Variants in HCN1 observed in about 807,000 individuals in gnomAD.
HCN1 encodes potassium/sodium hyperpolarization-activated cyclic nucleotide-gated channel 1.
HCN1 carries 13 observed loss-of-function variants against 78.9 expected under a neutral mutation model. That is an observed-to-expected ratio of 0.16 (90% CI 0.11 to 0.26). The LOEUF is 0.26. Ranked by LOEUF, HCN1 falls within the 10% of genes least tolerant of loss-of-function variation. The probability of loss-of-function intolerance (pLI) is 1.00; values close to 1 mark genes in which losing one functional copy is unlikely to be tolerated. For synonymous variants in HCN1, 552 were observed against 455.5 expected, an observed-to-expected ratio of 1.21 and a Z score of -2.70; for missense variants, 810 against 1,154.3, an observed-to-expected ratio of 0.70 and a Z score of 4.32.
At chr5:45,346,546 T>G (rs1746715948) in intron 5 of HCN1, among the ~76,000 whole-genome samples, 1 of 152,076 alleles carries the variant, frequency 6.6e-6, no homozygotes, top group Non-Finnish European at 1.5e-5. Context: ...ATGAGCGAGC[T>G]GAAGCAGGGC....
intron 3 of HCN1, among the ~76,000 whole-genome samples, chr5:45,433,048 A>AC (rs1740495211): frequency 6.6e-6 from 1 of 151,614 alleles, no homozygotes; most frequent in African/African-American, 2.4e-5. Flanking sequence ...ACATGGAAAG[A>AC]CCCCCATGAC....
At chr5:45,666,497 T>G (rs1380497827) in intron 1 of HCN1, among the ~76,000 whole-genome samples, 1 of 152,036 alleles carries the variant, frequency 6.6e-6, no homozygotes, top group Non-Finnish European at 1.5e-5. Flanking sequence ...TAAACCCAAA[T>G]GAGCATTCAT....
At chr5:45,581,492 T>A (rs1001208819) in intron 2 of HCN1, among the ~76,000 whole-genome samples, 2 of 152,226 alleles carry the variant, frequency 1.3e-5, no homozygotes, top group African/African-American at 4.8e-5. Context: ...CTGATGGCAG[T>A]TTCTTTTGCT....
chr5:45,267,773 G>GACA (rs773674416), intron 6 of HCN1, among the ~76,000 whole-genome samples: 31 of 151,664 alleles, frequency 2.0e-4, no homozygotes, highest in African/African-American at 5.6e-4. Flanking sequence ...TCTCAAAAAA[G>GACA]ACAACAACAA....
chr5:45,372,933 A>T (rs560001103), intron 4 of HCN1, among the ~76,000 whole-genome samples: 1 of 142,384 alleles, frequency 7.0e-6, no homozygotes, highest in Non-Finnish European at 1.5e-5. Flanking sequence ...CGTATTTTAT[A>T]CATAAAAATA....
At chr5:45,461,807 G>T (rs753057638) in intron 3 of HCN1, 39 bp downstream of exon 3, 3 of 1,561,876 alleles carry the variant, frequency 1.9e-6, no homozygotes, top group South Asian at 1.1e-5. Flanking sequence ...TTGGCACAAC[G>T]TTGAAAAGTC....
chr5:45,293,129 G>A (rs1745413825), intron 6 of HCN1, among the ~76,000 whole-genome samples: 1 of 151,854 alleles, frequency 6.6e-6, no homozygotes, highest in South Asian at 2.1e-4. Context: ...GGGATTGCTG[G>A]GTTAAACGGT....
At chr5:45,419,532 G>T (rs1740185764) in intron 3 of HCN1, among the ~76,000 whole-genome samples, 1 of 152,138 alleles carries the variant, frequency 6.6e-6, no homozygotes, top group Non-Finnish European at 1.5e-5. Context: ...CATTGTACTG[G>T]AAATCTCTTT....
At chr5:45,616,598 T>C (rs1020017066) in intron 2 of HCN1, among the ~76,000 whole-genome samples, 4 of 152,018 alleles carry the variant, frequency 2.6e-5, no homozygotes, top group African/African-American at 4.8e-5. Context: ...ATGTTGGAAG[T>C]TGGCCACAAA....
chr5:45,500,687 G>A (rs74801360), intron 2 of HCN1, among the ~76,000 whole-genome samples: 2,423 of 152,078 alleles, frequency 0.016, 63 homozygotes, highest in African/African-American at 0.056. Context: ...CCGTCAGCAT[G>A]GTGATATAGG....
chr5:45,634,287 C>G (rs1008686628), intron 2 of HCN1, among the ~76,000 whole-genome samples: 9 of 151,904 alleles, frequency 5.9e-5, no homozygotes, highest in African/African-American at 2.2e-4. Flanking sequence ...CAACAGCCTG[C>G]TAACATGTTA....
intron 4 of HCN1, among the ~76,000 whole-genome samples, chr5:45,353,533 A>T (rs1420795858): frequency 6.6e-6 from 1 of 152,030 alleles, no homozygotes; most frequent in Non-Finnish European, 1.5e-5. Flanking sequence ...GCTACAGAAA[A>T]GCCAGTGATG....
At chr5:45,476,375 C>A (rs549810835) in intron 2 of HCN1, among the ~76,000 whole-genome samples, 27 of 152,208 alleles carry the variant, frequency 1.8e-4, no homozygotes, top group African/African-American at 6.3e-4. Context: ...GTCCATGATA[C>A]AGCCTCCAGA....
intron 2 of HCN1, among the ~76,000 whole-genome samples, chr5:45,624,355 A>G (rs916060799): frequency 6.6e-6 from 1 of 152,132 alleles, no homozygotes; most frequent in African/African-American, 2.4e-5. Flanking sequence ...AAGTGGTCAG[A>G]CTCCAGATTT....
At chr5:45,302,763 A>C (rs1745653945) in intron 6 of HCN1, among the ~76,000 whole-genome samples, 1 of 151,992 alleles carries the variant, frequency 6.6e-6, no homozygotes, top group South Asian at 2.1e-4. Context: ...TAATTGAATC[A>C]TGGGGGCTGG....
chr5:45,592,699 T>C (rs937102923), intron 2 of HCN1, among the ~76,000 whole-genome samples: 1 of 152,170 alleles, frequency 6.6e-6, no homozygotes, highest in South Asian at 2.1e-4. Flanking sequence ...AGTTTTAACA[T>C]CACTGTACGA....
At chr5:45,466,876 C>A (rs1213662312) in intron 2 of HCN1, among the ~76,000 whole-genome samples, 1 of 152,066 alleles carries the variant, frequency 6.6e-6, no homozygotes, top group Admixed American at 6.6e-5. Context: ...TGACTGCAGT[C>A]ATTGGATGAA....
intron 3 of HCN1, among the ~76,000 whole-genome samples, chr5:45,431,966 A>G (rs1194874850): frequency 6.6e-6 from 1 of 152,106 alleles, no homozygotes; most frequent in African/African-American, 2.4e-5. Context: ...TTCTAATTCT[A>G]TGAGAATGTC....
rs932858563 is a variant in HCN1, at chr5:45,408,954, T to C, written c.1012-12244A>G. ...ATGTCTTTAATCATATGTGTAGTCT[T>C]TGGGTGTTTATGTCGGTTATCAGAT... On this transcript the variant is annotated intron_variant, in intron 3 of 7. Transcript: ENST00000303230. 8.5e-5 allele frequency among the ~76,000 whole-genome samples: 13 copies of C among 152,136 alleles called. 1 individual carries two copies. The highest frequency in any genetic ancestry group is 3.1e-4 in the African/African-American group (13 of 41,458).
Sources: allele counts gnomAD v4.1 joint callset (sites outside exome capture counted in the v4.1 genomes callset), GRCh38; gene constraint gnomAD v4.1.1; transcripts MANE v1.5; gene names NCBI Gene and HGNC (gene_info 2026-07-23, HGNC 2026-07-21).